RBFOX2: variants seen among roughly 807,000 people sequenced by gnomAD.
The protein encoded by RBFOX2 is RNA binding fox-1 homolog 2, also known as RNA binding protein fox-1 homolog 2.
In RBFOX2, 10 loss-of-function variants were observed where a neutral mutation model predicts 49.1. The ratio of observed to expected loss-of-function variants is 0.20; its 90% confidence interval spans 0.13 to 0.35. The LOEUF (loss-of-function observed/expected upper bound fraction) is 0.35, where lower values mean the gene tolerates loss of function less well. Among genes scored for constraint, RBFOX2 ranks in the 10% least tolerant of loss-of-function variants. The pLI, the probability that RBFOX2 is intolerant of heterozygous loss-of-function variation, is 1.00. For missense variants in RBFOX2, 323 were observed against 486.9 expected, an observed-to-expected ratio of 0.66 and a Z score of 3.17; for synonymous variants, 183 against 187.4, an observed-to-expected ratio of 0.98 and a Z score of 0.19.
At chr22:36,028,090 C>T in intron 1 of RBFOX2, 150 bp downstream of exon 1, 1 of 1,260,216 alleles carries the variant, frequency 7.9e-7, no homozygotes, top group Non-Finnish European at 1.0e-6. Context: ...CCCGAGCTCG[C>T]CCCACCTTCC....
intron 1 of RBFOX2, among the ~76,000 whole-genome samples, chr22:35,948,903 C>T (rs1299062417): frequency 1.3e-5 from 2 of 152,094 alleles, no homozygotes; most frequent in East Asian, 3.9e-4. Flanking sequence ...GCAACCACCT[C>T]CATCCATCTC....
Position 35,746,631 on chromosome 22 carries a change from C to G in RBFOX2, c.888-70G>C, listed in dbSNP as rs1458521193. ...AGGTGTACAGAAAAACACACACCCG[C>G]CCACACACAGACGTACACACATGTA... is the stretch of plus-strand genomic sequence containing the variant. On this transcript the variant is annotated intron_variant, in intron 9 of 11. Coordinates refer to ENST00000405409, the Ensembl canonical transcript of RBFOX2. The G allele has an allele frequency of 7.4e-6, 7 of 944,204 alleles. No individual in the cohort carries two copies. In the East Asian group the frequency reaches 9.0e-5, roughly 12 times the overall value. The allele number at this position is 944,204 out of a possible 1,614,324, so 58.5% of individuals were successfully genotyped here.
intron 1 of RBFOX2, among the ~76,000 whole-genome samples, chr22:35,954,659 T>C (rs1185389276): frequency 6.6e-6 from 1 of 152,232 alleles, no homozygotes; most frequent in Non-Finnish European, 1.5e-5. Flanking sequence ...CCCACTTGGT[T>C]ATTCTCTTTT....
intron 1 of RBFOX2, among the ~76,000 whole-genome samples, chr22:35,819,060 C>T (rs1362249436): frequency 6.6e-6 from 1 of 152,132 alleles, no homozygotes; most frequent in Non-Finnish European, 1.5e-5. Flanking sequence ...AATCATTTAA[C>T]AAGTAAAGTC....
At chr22:35,931,513 G>A (rs1050642804) in intron 1 of RBFOX2, among the ~76,000 whole-genome samples, 3 of 151,962 alleles carry the variant, frequency 2.0e-5, no homozygotes, top group Admixed American at 2.0e-4. Flanking sequence ...GGAAGCTTAC[G>A]GCTGTAATCC....
At chr22:36,015,186 A>G (rs1402075536) in intron 1 of RBFOX2, among the ~76,000 whole-genome samples, 2 of 152,266 alleles carry the variant, frequency 1.3e-5, no homozygotes, top group Non-Finnish European at 1.5e-5. Flanking sequence ...CCAATTTATT[A>G]TCAGCTTAAT....
intron 9 of RBFOX2, among the ~76,000 whole-genome samples, chr22:35,757,604 A>C (rs1215335536): frequency 1.3e-5 from 2 of 152,190 alleles, no homozygotes; most frequent in Non-Finnish European, 2.9e-5. Flanking sequence ...ATTTCCAATG[A>C]CATTTGGTTG....
At chr22:35,819,331 G>A (rs1018678083) in intron 1 of RBFOX2, among the ~76,000 whole-genome samples, 1 of 152,052 alleles carries the variant, frequency 6.6e-6, no homozygotes, top group African/African-American at 2.4e-5. Context: ...GCTATATGTG[G>A]GAGTCCACAT....
In RBFOX2 at chr22:35,780,976, G is replaced by A. The variant is rs188624621; in HGVS notation, c.399+624C>T. ...GTCTTGGAGTTGAGGGAGATAAGAGGAGAGGAAGGCAGTATTGAGCTGGAC... is the reference window on the plus strand; with the variant it reads ...GTCTTGGAGTTGAGGGAGATAAGAGAAGAGGAAGGCAGTATTGAGCTGGAC... On this transcript the variant is annotated intron_variant, in intron 3 of 11. Coordinates refer to ENST00000405409, the Ensembl canonical transcript of RBFOX2. Among the ~76,000 whole-genome samples, 400 of 152,286 alleles carry A rather than the reference G, an allele frequency of 2.6e-3. 1 individual carries two copies. Among genetic ancestry groups the A allele is most frequent in the Non-Finnish European group, 3.7e-3 (249 of 68,020 alleles).
exon 12 of RBFOX2, chr22:35,739,113 G>T (rs1449052469): frequency 6.5e-6 from 1 of 154,270 alleles, no homozygotes; most frequent in Non-Finnish European, 1.5e-5. Context: ...GATTCTGGGG[G>T]AGGACGGGAG....
chr22:35,938,134 CAGAG>C (rs985444580), intron 1 of RBFOX2, among the ~76,000 whole-genome samples: 9 of 152,196 alleles, frequency 5.9e-5, no homozygotes, highest in African/African-American at 2.2e-4. Flanking sequence ...AAATTTCTTT[CAGAG>C]GCGAGGTGAT....
At chr22:35,979,760 C>A (rs1323955377) in intron 1 of RBFOX2, among the ~76,000 whole-genome samples, 1 of 152,104 alleles carries the variant, frequency 6.6e-6, no homozygotes, top group Non-Finnish European at 1.5e-5. Flanking sequence ...TTTAAGAGTA[C>A]AATGTCTTTG....
intron 1 of RBFOX2, among the ~76,000 whole-genome samples, chr22:36,016,946 A>G (rs963090515): frequency 6.6e-6 from 1 of 152,224 alleles, no homozygotes; most frequent in East Asian, 1.9e-4. Flanking sequence ...AGAAAAGGCC[A>G]GAGGCACTAT....
chr22:35,897,677 C>T (rs149460919), intron 1 of RBFOX2: 65 of 1,268,418 alleles, frequency 5.1e-5, no homozygotes, highest in African/African-American at 3.8e-4. Flanking sequence ...GATACATCTA[C>T]GACGTATACT....
At chr22:35,870,768 T>G (rs2044267340) in intron 1 of RBFOX2, among the ~76,000 whole-genome samples, 1 of 152,220 alleles carries the variant, frequency 6.6e-6, no homozygotes. Flanking sequence ...AGCAGTCTAA[T>G]GAACTATATT....
rs544007407 is a variant in RBFOX2 at position 35,783,156 on chromosome 22, G to C, written c.253-1410C>G. ...GGTGCTTCCAGAAAACCACGTTTTT[G>C]CTGCAGCATCCTCAGCACCATTCCA... On this transcript the variant is annotated intron_variant, in intron 2 of 11. Coordinates refer to ENST00000405409, the Ensembl canonical transcript of RBFOX2. Among the ~76,000 whole-genome samples, 3 of 152,232 alleles carry C rather than the reference G, an allele frequency of 2.0e-5. No individual in the cohort carries two copies. The South Asian group carries it at 6.2e-4, about 32-fold the overall frequency.
intron 1 of RBFOX2, among the ~76,000 whole-genome samples, chr22:35,875,605 A>AGGGG (rs3220048): frequency 6.4e-5 from 7 of 108,786 alleles, no homozygotes; most frequent in South Asian, 3.4e-4. Context: ...AATGCTCACA[A>AGGGG]GGGTGTGTGT....
intron 1 of RBFOX2, among the ~76,000 whole-genome samples, chr22:36,026,535 A>AATAC (rs1001103383): frequency 1.2e-4 from 15 of 125,030 alleles, no homozygotes; most frequent in African/African-American, 4.0e-4. Context: ...ATGATAAATG[A>AATAC]ATACATACAC....
At chr22:35,830,677 T>C (rs754015582) in intron 1 of RBFOX2, among the ~76,000 whole-genome samples, 4 of 152,146 alleles carry the variant, frequency 2.6e-5, no homozygotes, top group Non-Finnish European at 5.9e-5. Flanking sequence ...TGTGTCTAAA[T>C]ATAGAAAAGG....
Sources: gnomAD v4.1 joint callset for allele counts (sites outside exome capture counted in the v4.1 genomes callset) on GRCh38, gnomAD v4.1.1 for gene constraint, MANE v1.5 for transcripts, NCBI Gene and HGNC (gene_info 2026-07-23, HGNC 2026-07-21) for gene names.